LANCL1: variants seen among roughly 807,000 people sequenced by gnomAD.
LANCL1 encodes glutathione S-transferase LANCL1.
Under a neutral mutation model 50.6 loss-of-function variants are expected in LANCL1, and 50 were observed. The ratio of observed to expected loss-of-function variants is 0.99; its 90% CI spans 0.79 to 1.25. The LOEUF is 1.25. LANCL1 is among the 50% of genes most tolerant of loss of function. LANCL1 has a pLI of 0.00. For synonymous variants in LANCL1, 188 were observed against 178.6 expected (o/e 1.05, Z -0.42); for missense variants, 532 against 480.7 (o/e 1.11, Z -1.00).
Position 210,476,754 on chromosome 2 carries a change from T to G in LANCL1, c.-151A>C, listed in dbSNP as rs1024431323. The G allele has an allele frequency of 2.2e-4, 235 of 1,044,984 alleles. No individual in the cohort carries two copies. The highest frequency in any genetic ancestry group is 7.5e-4 in the Admixed American group (15 of 20,074). 64.7% of individuals were successfully genotyped at this position (1,044,984 alleles called of 1,614,324 possible). On this transcript the variant is annotated 5_prime_UTR_variant, in exon 1 of 10. Coordinates refer to ENST00000450366, the MANE Select transcript of LANCL1 (RefSeq NM_006055.3). The stretch of plus-strand genomic sequence containing the variant: ...CCCCGGACAGTAACAGAAGGGCTAT[T>G]TTACCGCCCAGTTCCTGCCAGGAGG...
chr2:210,445,168 AT>A (rs3836056), intron 4 of LANCL1, among the ~76,000 whole-genome samples: 58,908 of 151,852 alleles, frequency 0.39, 12,788 homozygotes, highest in East Asian at 0.62. Context: ...AATTACTGTA[AT>A]TTTTTTTAAA....
At chr2:210,440,552 T>A in intron 6 of LANCL1, 46 bp downstream of exon 6, 3 of 1,563,898 alleles carry the variant, frequency 1.9e-6, no homozygotes, top group African/African-American at 2.7e-5. Flanking sequence ...TGATAGTACA[T>A]GGGTCAGGAA....
chr2:210,446,736 C>T (rs1426474826), intron 4 of LANCL1, among the ~76,000 whole-genome samples: 1 of 151,622 alleles, frequency 6.6e-6, no homozygotes, highest in Non-Finnish European at 1.5e-5. Flanking sequence ...CCAAATTGAT[C>T]AAGCAGAAGA....
intron 2 of LANCL1, among the ~76,000 whole-genome samples, chr2:210,475,902 C>T (rs1574449246): frequency 6.6e-6 from 1 of 152,154 alleles, no homozygotes; most frequent in Non-Finnish European, 1.5e-5. Context: ...GACGTCCTTA[C>T]CATACACCAC....
intron 3 of LANCL1, among the ~76,000 whole-genome samples, chr2:210,466,198 G>C (rs1449414419): frequency 6.6e-6 from 1 of 152,134 alleles, no homozygotes; most frequent in Non-Finnish European, 1.5e-5. Flanking sequence ...TAGCTACCCA[G>C]AACCCAAGAG....
At chr2:210,442,574 G>A (rs1231871071) in intron 4 of LANCL1, 1 of 152,172 alleles carries the variant, frequency 6.6e-6, no homozygotes, top group Non-Finnish European at 1.5e-5. Flanking sequence ...TGCACCTTGT[G>A]TCTCCCTCAA....
chr2:210,449,510 AG>A (rs1231358322), intron 4 of LANCL1, among the ~76,000 whole-genome samples: 1 of 152,232 alleles, frequency 6.6e-6, no homozygotes, highest in Non-Finnish European at 1.5e-5. Flanking sequence ...CAGGGCAATC[AG>A]GCAAGAGAAA....
chr2:210,444,247 G>A (rs1693239743), intron 4 of LANCL1, among the ~76,000 whole-genome samples: 3 of 152,096 alleles, frequency 2.0e-5, no homozygotes, highest in Admixed American at 1.3e-4. Context: ...CCTAACAATT[G>A]TTACCACCAG....
chr2:210,434,607 C>T lies in LANCL1; in HGVS notation c.1124-44G>A, dbSNP rs763120789. On this transcript the variant is annotated intron_variant, in intron 9 of 9. Coordinates refer to ENST00000450366, the MANE Select transcript of LANCL1 (RefSeq NM_006055.3). Reference sequence around the variant, plus strand: ...GCAAAAGTTATTATACCAAATGACTCCATTTCATAGGATGGTTCTTTTTCC... The same window carrying T: ...GCAAAAGTTATTATACCAAATGACTTCATTTCATAGGATGGTTCTTTTTCC... The T allele has an allele frequency of 4.9e-6, 7 of 1,439,512 alleles. No homozygotes were observed. In the East Asian group the frequency reaches 6.8e-5, roughly 14 times the overall value. The allele number at this position is 1,439,512 out of a possible 1,614,324, so 89.2% of individuals were successfully genotyped here.
intron 2 of LANCL1, among the ~76,000 whole-genome samples, chr2:210,472,583 C>A (rs1217985258): frequency 6.6e-6 from 1 of 152,146 alleles, no homozygotes; most frequent in African/African-American, 2.4e-5. Flanking sequence ...GAGCCTTAAG[C>A]AGAATAGAAA....
At chr2:210,466,582 G>T (rs1358943709) in intron 3 of LANCL1, among the ~76,000 whole-genome samples, 2 of 152,174 alleles carry the variant, frequency 1.3e-5, no homozygotes, top group Non-Finnish European at 2.9e-5. Flanking sequence ...CTCTGGAGTA[G>T]CAGTGTTGAG....
chr2:210,444,338 C>T (rs1365135777), intron 4 of LANCL1, among the ~76,000 whole-genome samples: 2 of 152,176 alleles, frequency 1.3e-5, no homozygotes, highest in Non-Finnish European at 2.9e-5. Flanking sequence ...TCTCCCATCT[C>T]CCTCTCCACT....
intron 4 of LANCL1, among the ~76,000 whole-genome samples, chr2:210,446,984 A>G (rs1481238943): frequency 1.3e-5 from 2 of 152,138 alleles, no homozygotes; most frequent in African/African-American, 4.8e-5. Context: ...CAACATTCAC[A>G]TTCAGGAAAC....
At chr2:210,457,751 T>C (rs1693713297) in intron 3 of LANCL1, among the ~76,000 whole-genome samples, 1 of 152,190 alleles carries the variant, frequency 6.6e-6, no homozygotes, top group Non-Finnish European at 1.5e-5. Context: ...TCTAATAATA[T>C]GCTTATGTGC....
chr2:210,466,554 G>T (rs1391840753), intron 3 of LANCL1, among the ~76,000 whole-genome samples: 1 of 152,168 alleles, frequency 6.6e-6, no homozygotes, highest in African/African-American at 2.4e-5. Context: ...CTTTCCCTAT[G>T]GTATGTAAGC....
In LANCL1 at chr2:210,437,829, T is replaced by C. The variant is rs967247954; in HGVS notation, c.734A>G (p.Lys245Arg). The C allele has an allele frequency of 2.5e-6, 4 of 1,609,860 alleles. No individual in the cohort carries two copies. The highest frequency in any genetic ancestry group is 3.4e-6 in the Non-Finnish European group (4 of 1,178,670). ...CTGGCAGACGTAGTCTACACTGGGC[T>C]TGACCAAACTATGTAACTTCCCTTG... ...VSQGKLHSLVKPSVDYVCQLK... is the reference protein window; with the variant it reads ...VSQGKLHSLVRPSVDYVCQLK... The change falls in exon 7 of 10, where the codon AAG becomes AGG. Residue 245 changes from lysine (K) to arginine (R), a missense_variant. Coordinates refer to ENST00000450366, the MANE Select transcript of LANCL1 (RefSeq NM_006055.3).
chr2:210,450,330 T>C (rs1693474857), intron 4 of LANCL1, among the ~76,000 whole-genome samples: 1 of 152,162 alleles, frequency 6.6e-6, no homozygotes, highest in Admixed American at 6.5e-5. Context: ...TTATACTTTA[T>C]ACAAAAATTA....
At chr2:210,467,349 T>A (rs779025699) in intron 3 of LANCL1, among the ~76,000 whole-genome samples, 10 of 152,164 alleles carry the variant, frequency 6.6e-5, no homozygotes, top group Non-Finnish European at 1.3e-4. Flanking sequence ...TGCCTTCCCT[T>A]CCACCTCCCT....
intron 4 of LANCL1, among the ~76,000 whole-genome samples, chr2:210,454,512 C>T (rs1264927148): frequency 6.6e-6 from 1 of 152,150 alleles, no homozygotes; most frequent in Non-Finnish European, 1.5e-5. Context: ...AGTGTTAGCA[C>T]GCGCAGTGGA....
Sources: allele counts gnomAD v4.1 joint callset (sites outside exome capture counted in the v4.1 genomes callset), GRCh38; gene constraint gnomAD v4.1.1; transcripts MANE v1.5; gene names NCBI Gene and HGNC (gene_info 2026-07-23, HGNC 2026-07-21).